The following GRID2 variants were observed in gnomAD, a reference collection of about 807,000 sequenced individuals.
GRID2 encodes glutamate receptor ionotropic, delta-2.
A neutral mutation model predicts 114.8 loss-of-function variants in GRID2; 33 were observed. That is an observed-to-expected ratio of 0.29 (90% CI 0.22 to 0.38). The LOEUF is 0.38. Among genes scored for constraint, GRID2 ranks in the 10% least tolerant of loss-of-function variants. The pLI is 1.00. For synonymous variants in GRID2, 505 were observed against 449.9 expected (o/e 1.12, Z -1.55); for missense variants, 1,184 against 1,257.7 (o/e 0.94, Z 0.89).
At chr4:92,892,016 A>G (rs1746821646) in intron 2 of GRID2, among the ~76,000 whole-genome samples, 1 of 151,778 alleles carries the variant, frequency 6.6e-6, no homozygotes, top group Non-Finnish European at 1.5e-5. Context: ...ACAGACACAT[A>G]TTTAATTATA....
chr4:92,972,431 C>T (rs141659528), intron 2 of GRID2, among the ~76,000 whole-genome samples: 15 of 151,756 alleles, frequency 9.9e-5, no homozygotes, highest in East Asian at 1.9e-4. Flanking sequence ...CATGAATAAA[C>T]GTAAAATATA....
intron 1 of GRID2, among the ~76,000 whole-genome samples, chr4:92,471,015 G>A (rs763130648): frequency 4.0e-5 from 6 of 151,816 alleles, no homozygotes; most frequent in Non-Finnish European, 5.9e-5. Context: ...TGTAACACAG[G>A]GTACAAATCC....
intron 1 of GRID2, among the ~76,000 whole-genome samples, chr4:92,479,300 A>G (rs1342857477): frequency 6.6e-6 from 1 of 152,094 alleles, no homozygotes; most frequent in Non-Finnish European, 1.5e-5. Flanking sequence ...GCTCTGCTAA[A>G]GTGGATTTAG....
chr4:93,280,616 C>T (rs1752549675), intron 8 of GRID2, among the ~76,000 whole-genome samples: 1 of 151,670 alleles, frequency 6.6e-6, no homozygotes, highest in African/African-American at 2.4e-5. Flanking sequence ...TGGTTTACAT[C>T]CCACTTATTG....
chr4:92,725,064 G>T (rs1433761142), intron 2 of GRID2, among the ~76,000 whole-genome samples: 1 of 152,092 alleles, frequency 6.6e-6, no homozygotes, highest in Non-Finnish European at 1.5e-5. Context: ...ATTTTAGGAG[G>T]CCGAGAGGGG....
chr4:92,594,131 A>C (rs960116854), intron 2 of GRID2, among the ~76,000 whole-genome samples: 2 of 151,692 alleles, frequency 1.3e-5, no homozygotes, highest in Non-Finnish European at 3.0e-5. Flanking sequence ...CCTTTACATC[A>C]CTAGTCCAGT....
intron 7 of GRID2, among the ~76,000 whole-genome samples, chr4:93,237,998 T>G (rs1747003054): frequency 6.6e-6 from 1 of 151,824 alleles, no homozygotes; most frequent in African/African-American, 2.4e-5. Context: ...TTATATAGAT[T>G]TTATGCACTC....
intron 2 of GRID2, among the ~76,000 whole-genome samples, chr4:92,847,844 T>C (rs866816783): frequency 6.6e-6 from 1 of 152,020 alleles, no homozygotes; most frequent in Non-Finnish European, 1.5e-5. Flanking sequence ...AAATAAAGTA[T>C]ACTAAAATAC....
At chr4:93,131,145 ATTTTTTT>A (rs34215461) in intron 4 of GRID2, among the ~76,000 whole-genome samples, 18 of 88,756 alleles carry the variant, frequency 2.0e-4, no homozygotes, top group South Asian at 1.8e-3. Flanking sequence ...AGATTAAATA[ATTTTTTT>A]TTTTTTTTTT....
intron 1 of GRID2, among the ~76,000 whole-genome samples, chr4:92,360,292 G>T (rs1176274989): frequency 6.6e-6 from 1 of 151,664 alleles, no homozygotes; most frequent in Non-Finnish European, 1.5e-5. Context: ...TCTCTTTTCT[G>T]CATCTTTATC....
chr4:92,479,030 C>T (rs77289542), intron 1 of GRID2, among the ~76,000 whole-genome samples: 1,929 of 152,048 alleles, frequency 0.013, 36 homozygotes, highest in African/African-American at 0.037. Context: ...ATCACAGTGT[C>T]AAAATTCGTT....
chr4:92,892,859 T>A (rs1336770180), intron 2 of GRID2, among the ~76,000 whole-genome samples: 25 of 152,304 alleles, frequency 1.6e-4, no homozygotes, highest in Admixed American at 1.1e-3. Context: ...CACTTTAAAA[T>A]TAATTTTATT....
At chr4:93,086,892 A>G (rs1412317616) in intron 3 of GRID2, among the ~76,000 whole-genome samples, 1 of 151,974 alleles carries the variant, frequency 6.6e-6, no homozygotes, top group Non-Finnish European at 1.5e-5. Context: ...CTTAAATGGT[A>G]TTTTCTTTTT....
intron 1 of GRID2, among the ~76,000 whole-genome samples, chr4:92,541,965 T>C (rs1725987280): frequency 6.6e-6 from 1 of 152,088 alleles, no homozygotes; most frequent in Non-Finnish European, 1.5e-5. Flanking sequence ...TAGAATATGA[T>C]TGTGCTGAGT....
chr4:93,335,725 G>A (rs1257748903), intron 8 of GRID2, among the ~76,000 whole-genome samples: 1 of 134,720 alleles, frequency 7.4e-6, no homozygotes, highest in Non-Finnish European at 1.5e-5. Context: ...GTCTCACTCT[G>A]TCATTCAGCA....
At chr4:92,597,014 G>C (rs561027608) in intron 2 of GRID2, among the ~76,000 whole-genome samples, 1 of 152,166 alleles carries the variant, frequency 6.6e-6, no homozygotes, top group Admixed American at 6.5e-5. Flanking sequence ...GAAGGAACAA[G>C]ATGGTCTAGC....
At chr4:92,659,576 A>G (rs1408689644) in intron 2 of GRID2, among the ~76,000 whole-genome samples, 1 of 151,642 alleles carries the variant, frequency 6.6e-6, no homozygotes, top group Non-Finnish European at 1.5e-5. Context: ...TTATGCATTT[A>G]CCATAATATT....
chr4:93,214,289 T>C (rs1743929238), intron 5 of GRID2, among the ~76,000 whole-genome samples: 1 of 152,060 alleles, frequency 6.6e-6, no homozygotes, highest in Non-Finnish European at 1.5e-5. Flanking sequence ...CCTAGTACAT[T>C]GTATAACATT....
chr4:93,346,369 C>T (rs1760236391), intron 8 of GRID2, among the ~76,000 whole-genome samples: 1 of 152,166 alleles, frequency 6.6e-6, no homozygotes, highest in Non-Finnish European at 1.5e-5. Context: ...ACAAATAGGA[C>T]TGGAAGCTTT....
Sources: gnomAD v4.1 joint callset for allele counts (sites outside exome capture counted in the v4.1 genomes callset) on GRCh38, gnomAD v4.1.1 for gene constraint, MANE v1.5 for transcripts, NCBI Gene and HGNC (gene_info 2026-07-23, HGNC 2026-07-21) for gene names.